Variants in TEX14 observed in about 807,000 individuals in gnomAD.
TEX14 encodes inactive serine/threonine-protein kinase TEX14.
In TEX14, 168 loss-of-function variants were observed where a neutral mutation model predicts 178.6. The ratio of observed to expected loss-of-function variants is 0.94; its 90% CI spans 0.83 to 1.07. The LOEUF is 1.07. Among genes scored for constraint, TEX14 ranks in the 50% least tolerant of loss-of-function variants. TEX14 has a pLI of 0.00. For missense variants in TEX14, 1,730 were observed against 1,753.6 expected (o/e 0.99, Z 0.24); for synonymous variants, 626 against 634.1 (o/e 0.99, Z 0.19).
rs756978985 is a variant in TEX14, at chr17:58,571,999, T to C, written c.3639A>G (p.Ile1213Met). ...EFIQTLSDDFISVRERAKKLD... is the reference protein window; with the variant it reads ...EFIQTLSDDFMSVRERAKKLD... ...GTTTCTTTGCTCTCTCTCGGACACT[T>C]ATAAAGTCATCAGACAAAGTTTGAA... The change falls in exon 24 of 32, where the codon ATA (isoleucine) becomes ATG (methionine). Residue 1213 changes from isoleucine to methionine, a missense_variant. Around this residue, in one of 2 missense-constraint regions of TEX14, gnomAD observed 941 missense variants for 1,072.4 expected, o/e 0.88. Transcript: ENST00000349033. 3 of 1,614,150 alleles carry C rather than the reference T, an allele frequency of 1.9e-6. No individual in the cohort carries two copies. In the East Asian group the frequency reaches 6.7e-5, roughly 36 times the overall value.
chr17:58,631,862 T>G (rs897305797), intron 2 of TEX14: 9 of 152,208 alleles, frequency 5.9e-5, no homozygotes, highest in Non-Finnish European at 1.2e-4. Flanking sequence ...GCCTTCCACA[T>G]GCGAAAGAAA....
In TEX14 at chr17:58,611,291, G is replaced by A. The variant is rs756283869; in HGVS notation, c.1054C>T (p.Leu352Phe). 2.5e-6 allele frequency: 4 copies of A among 1,613,372 alleles called. No individual in the cohort carries two copies. The highest frequency in any genetic ancestry group is 3.3e-5 in the Admixed American group (2 of 60,000). Residue 352 changes from leucine to phenylalanine, a missense_variant, in exon 10 of 32, where the codon CTC (leucine) becomes TTC (phenylalanine). This residue lies in a region of TEX14 where 789 missense variants were observed against 681.2 expected (regional missense o/e 1.16). Transcript: ENST00000349033. ...LHMEVIVHLL[L>F]QISDALRYLH... Reference sequence around the variant, plus strand: ...TATCTCAGGGCATCAGATATCTGGAGCAGCAGGTGCACAATCACCTCCATG... The same window carrying A: ...TATCTCAGGGCATCAGATATCTGGAACAGCAGGTGCACAATCACCTCCATG...
chr17:58,601,902 ATC>A lies in TEX14; in HGVS notation c.1580_1581del (p.Arg527IlefsTer23). On this transcript the variant is annotated frameshift_variant, in exon 13 of 32. Transcript: ENST00000349033. LOFTEE classifies it high-confidence loss of function. ...ACATTGACATCGGGATGGAGTCCGT[ATC>A]TCTGCACTCTGGGGCTCTCGGTTGG... Reference protein sequence around the residue: ...TQPTESPRVQRYGLHPDVNVY... With the variant: ...TQPTESPRVQXYGLHPDVNVY... The A allele has an allele frequency of 6.2e-7, 1 of 1,613,344 alleles. No individual in the cohort carries two copies.
intron 2 of TEX14, among the ~76,000 whole-genome samples, chr17:58,646,492 C>T (rs1456857696): frequency 6.6e-6 from 1 of 152,146 alleles, no homozygotes; most frequent in Non-Finnish European, 1.5e-5. Flanking sequence ...GCCTCATCAA[C>T]TCCTTTTCTT....
intron 1 of TEX14, among the ~76,000 whole-genome samples, chr17:58,691,443 C>T (rs28743180): frequency 6.6e-6 from 1 of 151,506 alleles, no homozygotes; most frequent in Non-Finnish European, 1.5e-5. Flanking sequence ...CCGAGGCAGG[C>T]GGATCACGAG....
At chr17:58,657,261 C>A (rs180680982) in intron 1 of TEX14, among the ~76,000 whole-genome samples, 1 of 152,008 alleles carries the variant, frequency 6.6e-6, no homozygotes, top group East Asian at 1.9e-4. Flanking sequence ...TGAGCCACCA[C>A]GCTGGGCCCA....
In TEX14 at chr17:58,627,913, C is replaced by CTTTT. The variant is rs1172697593; in HGVS notation, c.251+2523_251+2526dup. On this transcript the variant is annotated intron_variant, in intron 3 of 31. Transcript: ENST00000349033. ...TCAGGTGAGCCAGCCCCCATGCCAC[C>CTTTT]TTTTTTTTTTTTTTTTTTTTTTTTG... is the stretch of plus-strand genomic sequence containing the variant. 9.3e-4 allele frequency among the ~76,000 whole-genome samples: 70 copies of CTTTT among 75,672 alleles called. 2 individuals carry two copies. The highest frequency in any genetic ancestry group is 3.3e-3 in the African/African-American group (61 of 18,602). The allele number at this position is 75,672 out of a possible 152,430, so 49.6% of individuals were successfully genotyped here.
chr17:58,587,762 C>G, intron 16 of TEX14, 96 bp from the exon 17 acceptor site: 1 of 1,145,690 alleles, frequency 8.7e-7, no homozygotes, highest in South Asian at 1.3e-5. Context: ...GCCCACCAGC[C>G]CATCCAGAGG....
chr17:58,606,839 C>A (rs916933203), intron 10 of TEX14, among the ~76,000 whole-genome samples: 7 of 151,480 alleles, frequency 4.6e-5, no homozygotes, highest in African/African-American at 1.7e-4. Context: ...ACCAGCCTGG[C>A]CAACATGGTG....
Position 58,622,728 on chromosome 17 carries a change from C to A in TEX14, c.417+119G>T, listed in dbSNP as rs903208849. On this transcript the variant is annotated intron_variant, in intron 4 of 31. Coordinates refer to ENST00000349033, the MANE Select transcript of TEX14 (RefSeq NM_031272.5). ...GCTGGCTAATTTGCTTCGATCCAAG[C>A]CTGAGACTCCAGTACCAATACTAAG... 8 of 1,029,604 alleles carry A rather than the reference C, an allele frequency of 7.8e-6. No homozygotes were observed. In the South Asian group the frequency reaches 1.1e-4, roughly 14 times the overall value. 63.8% of individuals were successfully genotyped at this position (1,029,604 alleles called of 1,614,324 possible).
intron 14 of TEX14, among the ~76,000 whole-genome samples, chr17:58,594,859 C>T (rs529457939): frequency 1.3e-5 from 2 of 152,256 alleles, no homozygotes; most frequent in African/African-American, 4.8e-5. Context: ...CCAATTTTAA[C>T]ATAATTTTAA....
Position 58,564,891 on chromosome 17 carries a change from C to G in TEX14, c.4042G>C (p.Asp1348His), listed in dbSNP as rs550282022. The G allele has an allele frequency of 1.2e-6, 2 of 1,603,286 alleles. No individual in the cohort carries two copies. The highest frequency in any genetic ancestry group is 1.7e-5 in the Admixed American group (1 of 58,574). The part of the protein sequence containing the change: ...SSMLLSKETE[D>H]LGEDTERAHS... ...TACCTCTCTGTGTCCTCTCCAAGAT[C>G]TTCAGTTTCTTTGGACAAAAGCATA... The change falls in exon 28 of 32, where the codon GAT (aspartate) becomes CAT (histidine). Residue 1348 changes from aspartate (D) to histidine (H), a missense_variant. Physicochemically the swap from Asp to His is moderately conservative, Grantham distance 81. Transcript: ENST00000349033.
chr17:58,604,021 T>C (rs2045545203), intron 11 of TEX14, among the ~76,000 whole-genome samples: 1 of 151,470 alleles, frequency 6.6e-6, no homozygotes, highest in Non-Finnish European at 1.5e-5. Context: ...GATTTGGAAG[T>C]ACATCCATTT....
Position 58,565,042 on chromosome 17 carries a change from C to T in TEX14, c.3965-74G>A, listed in dbSNP as rs2044369554. ...AGAAAGCTTGCCTTAAAATAGAGTG[C>T]AAAAATTAAGGCCAATCAGTGGTCC... is the stretch of plus-strand genomic sequence containing the variant. On this transcript the variant is annotated intron_variant, in intron 27 of 31. Transcript: ENST00000349033. 9 of 960,170 alleles carry T rather than the reference C, an allele frequency of 9.4e-6. No individual in the cohort carries two copies. The South Asian group carries it at 1.4e-4, about 15-fold the overall frequency. The allele number at this position is 960,170 out of a possible 1,614,324, so 59.5% of individuals were successfully genotyped here. A position where few individuals can be genotyped will look rare whatever the true frequency, so the allele number is the denominator to read the frequency against.
intron 9 of TEX14, among the ~76,000 whole-genome samples, chr17:58,612,364 G>A (rs1220889709): frequency 2.0e-5 from 3 of 152,130 alleles, no homozygotes; most frequent in Non-Finnish European, 4.4e-5. Flanking sequence ...TAAGGCAGGA[G>A]GATCACTTGA....
chr17:58,614,316 C>T (rs1237368805), intron 8 of TEX14, among the ~76,000 whole-genome samples: 1 of 152,082 alleles, frequency 6.6e-6, no homozygotes, highest in African/African-American at 2.4e-5. Flanking sequence ...ATGATGAAAC[C>T]CTGTCTCTAC....
intron 19 of TEX14, among the ~76,000 whole-genome samples, chr17:58,581,051 G>A (rs2044800447): frequency 6.6e-6 from 1 of 152,216 alleles, no homozygotes; most frequent in South Asian, 2.1e-4. Flanking sequence ...GGTGGCTCAC[G>A]CCTGTAATCC....
rs151067305 is a variant in TEX14, at chr17:58,602,535, C to A, written c.1392G>T (p.Ser464=). 2 of 1,613,776 alleles carry A rather than the reference C, an allele frequency of 1.2e-6. No individual in the cohort carries two copies. Among genetic ancestry groups the A allele is most frequent in the African/African-American group, 2.7e-5 (2 of 74,836 alleles). Reference sequence around the variant, plus strand: ...TGACATCAGCTTCTAAATAATTCCCCGAGACTACGGCTTTTTTAACAACTG... The same window carrying A: ...TGACATCAGCTTCTAAATAATTCCCAGAGACTACGGCTTTTTTAACAACTG... ...DGSVVKKAVV[S]GNYLEADVRL... is the part of the protein sequence containing the mutation. Residue 464 remains serine (S), a synonymous_variant, in exon 12 of 32, where the codon TCG becomes TCT. Transcript: ENST00000349033.
At chr17:58,628,576 G>A (rs2046204645) in intron 3 of TEX14, among the ~76,000 whole-genome samples, 1 of 152,202 alleles carries the variant, frequency 6.6e-6, no homozygotes, top group African/African-American at 2.4e-5. Context: ...GCTGGGTGTG[G>A]TGGCACGCGC....
Sources: allele counts gnomAD v4.1 joint callset (sites outside exome capture counted in the v4.1 genomes callset), GRCh38; gene constraint gnomAD v4.1.1; regional missense constraint gnomAD v4.1.1; transcripts MANE v1.5; gene names NCBI Gene and HGNC (gene_info 2026-07-23, HGNC 2026-07-21).